Variants in DTWD2 observed in about 807,000 individuals in gnomAD.
The protein encoded by DTWD2 is DTW motif tRNA-uridine aminocarboxypropyltransferase 2.
A neutral mutation model predicts 31.8 loss-of-function variants in DTWD2; 39 were observed. The ratio of observed to expected loss-of-function variants is 1.22; its 90% CI spans 0.95 to 1.60. The LOEUF is 1.60. Ranked by LOEUF, DTWD2 falls within the 40% of genes most tolerant of loss-of-function variation. The probability of loss-of-function intolerance (pLI) is 0.00; values close to 1 mark genes in which losing one functional copy is unlikely to be tolerated. For missense variants in DTWD2, 515 were observed against 381.5 expected, an observed-to-expected ratio of 1.35 and a Z score of -2.92; for synonymous variants, 180 against 142.8, an observed-to-expected ratio of 1.26 and a Z score of -1.86.
At chr5:118,986,421 TA>T (rs2149606467) in intron 1 of DTWD2, among the ~76,000 whole-genome samples, 3 of 152,326 alleles carry the variant, frequency 2.0e-5, no homozygotes, top group African/African-American at 7.2e-5. Flanking sequence ...GCTGAAAAGT[TA>T]AACTGAGTTT....
intron 4 of DTWD2, among the ~76,000 whole-genome samples, chr5:118,927,731 G>A (rs1241049874): frequency 2.6e-5 from 4 of 152,032 alleles, no homozygotes; most frequent in African/African-American, 9.7e-5. Flanking sequence ...GAGTTTGAAA[G>A]AAGAATTTAA....
At chr5:118,927,092 G>C (rs1003145382) in intron 4 of DTWD2, among the ~76,000 whole-genome samples, 1 of 152,150 alleles carries the variant, frequency 6.6e-6, no homozygotes, top group Admixed American at 6.5e-5. Flanking sequence ...GAGACAAAGA[G>C]AGACGGAGAG....
Position 118,973,811 on chromosome 5 carries a change from G to A in DTWD2, c.218+14483C>T, listed in dbSNP as rs184121439. ...GTGCCCCACCATGTCAGACGCAGCC[G>A]TAGACACCAGCTCCGAAATCACCAC... On this transcript the variant is annotated intron_variant, in intron 1 of 5. Transcript: ENST00000510708. 1,505 of 1,612,114 alleles carry A rather than the reference G, an allele frequency of 9.3e-4. 15 individuals carry two copies. The African/African-American group carries it at 0.018, about 19-fold the overall frequency.
Position 118,838,315 on chromosome 5 carries a change from A to G in DTWD2, c.*2602T>C, listed in dbSNP as rs1182329123. Reference sequence around the variant, plus strand: ...TCAAATAACTCACAAAACGATCTACACAACATCAAAGTGCAGATGGGGTAC... The same window carrying G: ...TCAAATAACTCACAAAACGATCTACGCAACATCAAAGTGCAGATGGGGTAC... On this transcript the variant is annotated 3_prime_UTR_variant, in exon 6 of 6. Coordinates refer to ENST00000510708, the MANE Select transcript of DTWD2 (RefSeq NM_173666.4). 6.6e-6 allele frequency: 1 copy of G among 152,222 alleles called. No individual in the cohort carries two copies. The highest frequency in any genetic ancestry group is 2.4e-5 in the African/African-American group (1 of 41,460). The allele number at this position is 152,222 out of a possible 1,614,324, so 9.4% of individuals were successfully genotyped here. A position where few individuals can be genotyped will look rare whatever the true frequency, so the allele number is the denominator to read the frequency against.
At chr5:118,881,624 G>A (rs1752742323) in intron 4 of DTWD2, among the ~76,000 whole-genome samples, 1 of 151,626 alleles carries the variant, frequency 6.6e-6, no homozygotes. Flanking sequence ...AATTGACTCA[G>A]AGTTCCACAT....
chr5:118,895,393 T>C (rs1327129549), intron 4 of DTWD2, among the ~76,000 whole-genome samples: 1 of 152,194 alleles, frequency 6.6e-6, no homozygotes, highest in Non-Finnish European at 1.5e-5. Context: ...TATCCCGTGC[T>C]CATGGATTGG....
At chr5:118,942,433 A>G (rs1413119697) in intron 2 of DTWD2, among the ~76,000 whole-genome samples, 1 of 152,204 alleles carries the variant, frequency 6.6e-6, no homozygotes, top group East Asian at 1.9e-4. Flanking sequence ...ACACATCTGT[A>G]GCACACACAG....
intron 1 of DTWD2, among the ~76,000 whole-genome samples, chr5:118,971,137 T>C (rs1437146251): frequency 6.6e-6 from 1 of 152,090 alleles, no homozygotes. Context: ...CACATAACAA[T>C]ATTAACCTTA....
At chr5:118,937,023 A>G (rs1227704374) in intron 3 of DTWD2, among the ~76,000 whole-genome samples, 1 of 152,178 alleles carries the variant, frequency 6.6e-6, no homozygotes, top group Non-Finnish European at 1.5e-5. Flanking sequence ...AAATATAAAA[A>G]CTGACACAAA....
intron 3 of DTWD2, among the ~76,000 whole-genome samples, chr5:118,936,145 G>C (rs916720749): frequency 1.3e-5 from 2 of 152,184 alleles, no homozygotes; most frequent in African/African-American, 4.8e-5. Flanking sequence ...ATCCATGTGT[G>C]AAAGAAGAAA....
At chr5:118,855,991 T>G (rs1052845469) in intron 4 of DTWD2, among the ~76,000 whole-genome samples, 1 of 152,146 alleles carries the variant, frequency 6.6e-6, no homozygotes, top group African/African-American at 2.4e-5. Context: ...TCCTTGAATC[T>G]TCTAATAACC....
At chr5:118,842,589 AC>A (rs1419515223) in intron 5 of DTWD2, among the ~76,000 whole-genome samples, 1 of 152,084 alleles carries the variant, frequency 6.6e-6, no homozygotes, top group Non-Finnish European at 1.5e-5. Flanking sequence ...GAAAAAGAAA[AC>A]CCCATGTGAA....
chr5:118,895,826 A>G (rs1753073296), intron 4 of DTWD2, among the ~76,000 whole-genome samples: 1 of 152,154 alleles, frequency 6.6e-6, no homozygotes, highest in South Asian at 2.1e-4. Flanking sequence ...GAAGGATAGA[A>G]CTATTATATA....
At chr5:118,858,811 A>G (rs1752195241) in intron 4 of DTWD2, among the ~76,000 whole-genome samples, 1 of 152,158 alleles carries the variant, frequency 6.6e-6, no homozygotes, top group Non-Finnish European at 1.5e-5. Context: ...AAATTTCTCA[A>G]CTGTCTCAAA....
At chr5:118,958,872 G>C (rs767360024) in intron 1 of DTWD2, among the ~76,000 whole-genome samples, 6 of 152,136 alleles carry the variant, frequency 3.9e-5, no homozygotes, top group Non-Finnish European at 7.3e-5. Flanking sequence ...AATAGATGCA[G>C]AAAAGGCTTT....
chr5:118,849,899 G>C (rs1751958001), intron 4 of DTWD2, among the ~76,000 whole-genome samples: 1 of 151,902 alleles, frequency 6.6e-6, no homozygotes, highest in South Asian at 2.1e-4. Flanking sequence ...CTATGGGAGG[G>C]ATAACATTAG....
At chr5:118,941,613 A>C (rs1208938926) in intron 2 of DTWD2, among the ~76,000 whole-genome samples, 1 of 152,158 alleles carries the variant, frequency 6.6e-6, no homozygotes, top group Non-Finnish European at 1.5e-5. Context: ...AGTCTTTGCT[A>C]TTGTGAGTAG....
chr5:118,964,955 G>A (rs1401661554), intron 1 of DTWD2, among the ~76,000 whole-genome samples: 1 of 151,768 alleles, frequency 6.6e-6, no homozygotes, highest in Non-Finnish European at 1.5e-5. Flanking sequence ...GGGAAGTGAG[G>A]AGCGCCTCTT....
At chr5:118,954,615 C>G (rs370985831) in intron 1 of DTWD2, among the ~76,000 whole-genome samples, 8 of 152,136 alleles carry the variant, frequency 5.3e-5, no homozygotes, top group Admixed American at 3.9e-4. Flanking sequence ...CCAATTCAAG[C>G]AATTCTCATG....
Sources: gnomAD v4.1 joint callset for allele counts (sites outside exome capture counted in the v4.1 genomes callset) on GRCh38, gnomAD v4.1.1 for gene constraint, MANE v1.5 for transcripts, NCBI Gene and HGNC (gene_info 2026-07-23, HGNC 2026-07-21) for gene names.